The following MDGA2 variants were observed in gnomAD, a reference collection of about 807,000 sequenced individuals.
MDGA2 encodes MAM domain-containing glycosylphosphatidylinositol anchor protein 2.
MDGA2 carries 40 observed loss-of-function variants against 117.8 expected under a neutral mutation model. The ratio of observed to expected loss-of-function variants is 0.34; its 90% CI spans 0.26 to 0.44. The LOEUF (loss-of-function observed/expected upper bound fraction) is 0.44, where lower values mean the gene tolerates loss of function less well. MDGA2 is among the 20% of genes least tolerant of loss of function. The pLI, the probability that MDGA2 is intolerant of heterozygous loss-of-function variation, is 1.00. For missense variants in MDGA2, 1,123 were observed against 1,250.6 expected, an observed-to-expected ratio of 0.90 and a Z score of 1.54; for synonymous variants, 452 against 439.0, an observed-to-expected ratio of 1.03 and a Z score of -0.37.
chr14:47,247,801 C>T (rs527947617), intron 2 of MDGA2, among the ~76,000 whole-genome samples: 1 of 151,362 alleles, frequency 6.6e-6, no homozygotes, highest in South Asian at 2.1e-4. Flanking sequence ...TAGCACCCCC[C>T]ACTCCCTGAT....
chr14:47,423,678 C>G (rs1892625771), intron 1 of MDGA2, among the ~76,000 whole-genome samples: 1 of 152,078 alleles, frequency 6.6e-6, no homozygotes, highest in Non-Finnish European at 1.5e-5. Context: ...TTTTAAGAAT[C>G]ATGTGATAGA....
chr14:46,915,652 G>A (rs1490131067), intron 10 of MDGA2, among the ~76,000 whole-genome samples: 1 of 152,034 alleles, frequency 6.6e-6, no homozygotes, highest in East Asian at 1.9e-4. Flanking sequence ...AAAATCAATT[G>A]AAAACCTTGA....
chr14:47,418,952 G>T (rs1307569200), intron 1 of MDGA2, among the ~76,000 whole-genome samples: 1 of 152,120 alleles, frequency 6.6e-6, no homozygotes, highest in Admixed American at 6.5e-5. Flanking sequence ...TTCAGTTCTT[G>T]CCATATAGAG....
chr14:47,481,740 A>G (rs764678647), intron 1 of MDGA2, among the ~76,000 whole-genome samples: 1 of 152,022 alleles, frequency 6.6e-6, no homozygotes, highest in Non-Finnish European at 1.5e-5. Context: ...GAAATGATTT[A>G]TATTTGACTT....
intron 3 of MDGA2, among the ~76,000 whole-genome samples, chr14:47,185,944 C>T (rs1328891689): frequency 6.6e-6 from 1 of 151,404 alleles, no homozygotes; most frequent in African/African-American, 2.4e-5. Flanking sequence ...CATTTCAATA[C>T]CTATTTATAA....
chr14:47,664,762 C>T (rs1301348842), intron 1 of MDGA2, among the ~76,000 whole-genome samples: 1 of 152,214 alleles, frequency 6.6e-6, no homozygotes, highest in Non-Finnish European at 1.5e-5. Flanking sequence ...TCATTCTGGA[C>T]CCATAGTTGC....
At chr14:47,149,539 C>A (rs751570980) in intron 3 of MDGA2, among the ~76,000 whole-genome samples, 3 of 152,164 alleles carry the variant, frequency 2.0e-5, no homozygotes, top group Non-Finnish European at 4.4e-5. Flanking sequence ...GAGGTATTCT[C>A]CAAGCCTTTA....
At chr14:47,104,251 T>G (rs11846219) in intron 5 of MDGA2, among the ~76,000 whole-genome samples, 14 of 151,776 alleles carry the variant, frequency 9.2e-5, no homozygotes, top group African/African-American at 3.4e-4. Context: ...TGCACGTATA[T>G]GCCCAGATGG....
chr14:47,330,672 A>C (rs1890268013), intron 1 of MDGA2, among the ~76,000 whole-genome samples: 1 of 151,880 alleles, frequency 6.6e-6, no homozygotes, highest in African/African-American at 2.4e-5. Context: ...ATTATAATAA[A>C]GCTATATCAT....
intron 1 of MDGA2, among the ~76,000 whole-genome samples, chr14:47,600,803 G>A (rs568309306): frequency 6.6e-6 from 1 of 151,464 alleles, no homozygotes; most frequent in South Asian, 2.1e-4. Flanking sequence ...GCTTTCAACT[G>A]TCTGTCTGAT....
chr14:46,953,317 G>GA (rs60801762), intron 9 of MDGA2, among the ~76,000 whole-genome samples: 45,539 of 146,684 alleles, frequency 0.31, 8,725 homozygotes, highest in Non-Finnish European at 0.44. Context: ...GTTAACTTTT[G>GA]AAAAAAAAAC....
chr14:47,634,275 T>C (rs1897286319), intron 1 of MDGA2, among the ~76,000 whole-genome samples: 1 of 152,158 alleles, frequency 6.6e-6, no homozygotes, highest in Admixed American at 6.5e-5. Context: ...CCCTTAAAAT[T>C]AGTTATATCA....
chr14:47,445,885 T>A (rs1157848608), intron 1 of MDGA2, among the ~76,000 whole-genome samples: 1 of 152,116 alleles, frequency 6.6e-6, no homozygotes, highest in African/African-American at 2.4e-5. Context: ...GAATTCAATT[T>A]CTTGATACCA....
chr14:47,264,068 G>A (rs937794838), intron 2 of MDGA2, among the ~76,000 whole-genome samples: 1 of 152,128 alleles, frequency 6.6e-6, no homozygotes, highest in Non-Finnish European at 1.5e-5. Flanking sequence ...GAAAGTTAAA[G>A]CTATTTAAGT....
At chr14:47,131,060 G>A (rs1033590787) in intron 5 of MDGA2, among the ~76,000 whole-genome samples, 7 of 151,706 alleles carry the variant, frequency 4.6e-5, no homozygotes, top group African/African-American at 1.7e-4. Flanking sequence ...AAAAATTGGA[G>A]TTTCTCAAAA....
chr14:47,410,724 A>G (rs1303471608), intron 1 of MDGA2, among the ~76,000 whole-genome samples: 4 of 152,186 alleles, frequency 2.6e-5, no homozygotes, highest in South Asian at 2.1e-4. Context: ...TAATTTTTCT[A>G]TGTAAATCAG....
rs1243526784 is a variant in MDGA2, at chr14:47,364,050, A to T, written c.281-62500T>A. Among the ~76,000 whole-genome samples, 4 of 152,092 alleles carry T rather than the reference A, an allele frequency of 2.6e-5. No homozygotes were observed. The East Asian group carries it at 7.7e-4, about 29-fold the overall frequency. ...AAAGGACAAAAATAAAAGAGGACCT[A>T]CACCAAATTACATGATTATAGATGA... On this transcript the variant is annotated intron_variant, in intron 1 of 16. Transcript: ENST00000399232.
chr14:46,926,515 T>C (rs1345743298), intron 9 of MDGA2, among the ~76,000 whole-genome samples: 1 of 152,116 alleles, frequency 6.6e-6, no homozygotes, highest in East Asian at 1.9e-4. Context: ...CATATAGTGT[T>C]CACATACATA....
rs146920301 is a variant in MDGA2 at position 47,243,718 on chromosome 14, G to A, written c.421-25523C>T. 5.5e-3 allele frequency among the ~76,000 whole-genome samples: 837 copies of A among 151,660 alleles called. 11 individuals carry two copies. The highest frequency in any genetic ancestry group is 0.019 in the African/African-American group (799 of 41,450). Reference sequence around the variant, plus strand: ...ATCAGAAGGGAGAGACTCCAGACGCGCCACCTTAAGAGCTGTAACGCTCAC... The same window carrying A: ...ATCAGAAGGGAGAGACTCCAGACGCACCACCTTAAGAGCTGTAACGCTCAC... On this transcript the variant is annotated intron_variant, in intron 2 of 16. Transcript: ENST00000399232.
Sources: gnomAD v4.1 joint callset for allele counts (sites outside exome capture counted in the v4.1 genomes callset) on GRCh38, gnomAD v4.1.1 for gene constraint, MANE v1.5 for transcripts, NCBI Gene and HGNC (gene_info 2026-07-23, HGNC 2026-07-21) for gene names.